The following PDAP1 variants were observed in gnomAD, a reference collection of about 807,000 sequenced individuals.
PDAP1 encodes 28 kDa heat- and acid-stable phosphoprotein.
A neutral mutation model predicts 28.0 loss-of-function variants in PDAP1; 13 were observed. The observed-to-expected ratio is 0.46, with a 90% CI of 0.30 to 0.74. The LOEUF (loss-of-function observed/expected upper bound fraction) is 0.74. PDAP1 is among the 30% of genes least tolerant of loss of function. The probability of loss-of-function intolerance (pLI) is 0.07; values close to 1 mark genes in which losing one functional copy is unlikely to be tolerated. For synonymous variants in PDAP1, 77 were observed against 85.1 expected, an observed-to-expected ratio of 0.91 and a Z score of 0.52; for missense variants, 150 against 230.0, an observed-to-expected ratio of 0.65 and a Z score of 2.25.
chr7:99,405,335 G>A (rs191876348), intron 1 of PDAP1, among the ~76,000 whole-genome samples: 3 of 150,982 alleles, frequency 2.0e-5, no homozygotes, highest in Admixed American at 6.6e-5. Context: ...CTTTTTACAC[G>A]ATGTTCTGTC....
intron 2 of PDAP1, among the ~76,000 whole-genome samples, chr7:99,404,526 A>C (rs1299664324): frequency 6.6e-6 from 1 of 152,104 alleles, no homozygotes; most frequent in Non-Finnish European, 1.5e-5. Context: ...GCTGCAGCAG[A>C]CAAGCAGGGG....
chr7:99,404,331 C>T (rs1325547686), intron 2 of PDAP1, among the ~76,000 whole-genome samples: 1 of 152,136 alleles, frequency 6.6e-6, no homozygotes, highest in East Asian at 1.9e-4. Context: ...CTAACGGTGG[C>T]CTGGACAATG....
At chr7:99,397,523 G>C (rs1652241895) in intron 5 of PDAP1, among the ~76,000 whole-genome samples, 1 of 152,200 alleles carries the variant, frequency 6.6e-6, no homozygotes, top group African/African-American at 2.4e-5. Context: ...AGGCACCAGA[G>C]ACCTTAGTGG....
intron 4 of PDAP1, among the ~76,000 whole-genome samples, chr7:99,399,020 T>C (rs1470059588): frequency 6.6e-6 from 1 of 152,156 alleles, no homozygotes; most frequent in African/African-American, 2.4e-5. Flanking sequence ...GTGGATGCCC[T>C]TCAGGATGAG....
intron 2 of PDAP1, 44 bp downstream of exon 2, chr7:99,404,818 G>A (rs754367410): frequency 9.2e-6 from 14 of 1,514,202 alleles, no homozygotes; most frequent in Non-Finnish European, 4.6e-6. Flanking sequence ...TTGGCAAAGC[G>A]CCACCCTGGG....
At chr7:99,406,080 CACT>C (rs1794965466) in intron 1 of PDAP1, among the ~76,000 whole-genome samples, 2 of 152,138 alleles carry the variant, frequency 1.3e-5, no homozygotes, top group Non-Finnish European at 2.9e-5. Context: ...GAAACCCCCT[CACT>C]ACTAAAAATA....
At chr7:99,401,998 A>AG (rs1794876110) in intron 3 of PDAP1, among the ~76,000 whole-genome samples, 1 of 151,658 alleles carries the variant, frequency 6.6e-6, no homozygotes, top group Non-Finnish European at 1.5e-5. Context: ...GGCTGGGCGC[A>AG]GTGGCTCACG....
chr7:99,400,518 G>A, intron 3 of PDAP1, 94 bp from the exon 4 acceptor site: 6 of 1,453,742 alleles, frequency 4.1e-6, no homozygotes, highest in South Asian at 1.2e-5. Context: ...ATCTGGATGA[G>A]GACAAACTCC....
chr7:99,401,350 CA>C (rs1473563004), intron 3 of PDAP1, among the ~76,000 whole-genome samples: 1 of 152,112 alleles, frequency 6.6e-6, no homozygotes, highest in Non-Finnish European at 1.5e-5. Flanking sequence ...TCTTTTGAGA[CA>C]GAGTTTCCCT....
rs1794767173 is a variant in PDAP1, at chr7:99,396,553, C to T, written c.*129G>A. On this transcript the variant is annotated 3_prime_UTR_variant, in exon 6 of 6. Transcript: ENST00000350498. The stretch of plus-strand genomic sequence containing the variant: ...TTCTGTGCCAAGATGAAGAGGAGGC[C>T]CCAGGCCATGGGGGGCTCCTGGCCA... 1 of 737,248 alleles carries T rather than the reference C, an allele frequency of 1.4e-6. No homozygotes were observed. Among genetic ancestry groups the T allele is most frequent in the African/African-American group, 1.7e-5 (1 of 58,530 alleles). 45.7% of individuals were successfully genotyped at this position (737,248 alleles called of 1,614,324 possible). A position where few individuals can be genotyped will look rare whatever the true frequency, so the allele number is the denominator to read the frequency against.
Position 99,396,632 on chromosome 7 carries a change from G to C in PDAP1, c.*50C>G, listed in dbSNP as rs1277567956. The C allele has an allele frequency of 2.7e-6, 4 of 1,501,694 alleles. No individual in the cohort carries two copies. The highest frequency in any genetic ancestry group is 3.7e-6 in the Non-Finnish European group (4 of 1,079,470). The allele number at this position is 1,501,694 out of a possible 1,614,324, so 93.0% of individuals were successfully genotyped here. A position where few individuals can be genotyped will look rare whatever the true frequency, so the allele number is the denominator to read the frequency against. On this transcript the variant is annotated 3_prime_UTR_variant, in exon 6 of 6. Transcript: ENST00000350498. The stretch of plus-strand genomic sequence containing the variant: ...ACAGGGTGGGCGAGACACAGCAGAG[G>C]TCCTGGCAGCGCGGCCCAGGTCCCC...
intron 1 of PDAP1, among the ~76,000 whole-genome samples, chr7:99,405,729 A>G (rs535435447): frequency 5.3e-4 from 81 of 152,270 alleles, no homozygotes; most frequent in Non-Finnish European, 1.0e-3. Context: ...CCCATTTCAT[A>G]GACCAGGAGA....
chr7:99,404,978 A>C (rs1584422537), intron 1 of PDAP1, 25 bp from the exon 2 acceptor site: 3 of 1,568,648 alleles, frequency 1.9e-6, no homozygotes, highest in Non-Finnish European at 1.8e-6. Context: ...AGTTTAGGTG[A>C]GCGGAAGCAG....
chr7:99,405,891 T>C (rs975568543), intron 1 of PDAP1, among the ~76,000 whole-genome samples: 3 of 152,214 alleles, frequency 2.0e-5, no homozygotes, highest in African/African-American at 4.8e-5. Flanking sequence ...GTCACAAAGA[T>C]AGATGAATTA....
At chr7:99,406,595 C>A in intron 1 of PDAP1, 1 of 985,388 alleles carries the variant, frequency 1.0e-6, no homozygotes, top group Non-Finnish European at 1.2e-6. Context: ...CAGGCTGACC[C>A]TTGCTTAAGC....
At chr7:99,397,774 TCGCGGACAGGGACA>T in intron 5 of PDAP1, 74 bp downstream of exon 5, 1 of 1,514,478 alleles carries the variant, frequency 6.6e-7, no homozygotes, top group Non-Finnish European at 9.0e-7. Context: ...CATTGTCACC[TCGCGGACAGGGACA>T]CGAGTTCAGT....
At chr7:99,407,150 G>A (rs1444289812) in intron 1 of PDAP1, among the ~76,000 whole-genome samples, 18 of 152,144 alleles carry the variant, frequency 1.2e-4, no homozygotes, top group Non-Finnish European at 1.5e-5. Context: ...TTTGCTCTTA[G>A]GGAGTTTGAT....
chr7:99,400,605 T>C (rs1429774356), intron 3 of PDAP1, among the ~76,000 whole-genome samples, 181 bp from the exon 4 acceptor site: 1 of 152,120 alleles, frequency 6.6e-6, no homozygotes, highest in East Asian at 1.9e-4. Context: ...TTCATCAGCC[T>C]GGGAAGAGCC....
At chr7:99,400,696 C>T (rs909333120) in intron 3 of PDAP1, among the ~76,000 whole-genome samples, 5 of 152,182 alleles carry the variant, frequency 3.3e-5, no homozygotes, top group South Asian at 2.1e-4. Context: ...CGCCCTACCC[C>T]GACTTGCAAG....
Sources: allele counts gnomAD v4.1 joint callset (sites outside exome capture counted in the v4.1 genomes callset), GRCh38; gene constraint gnomAD v4.1.1; transcripts MANE v1.5; gene names NCBI Gene and HGNC (gene_info 2026-07-23, HGNC 2026-07-21).